The following CNTNAP2 variants were observed in gnomAD, a reference collection of about 807,000 sequenced individuals.
CNTNAP2 encodes the protein contactin associated protein 2.
CNTNAP2 carries 98 observed loss-of-function variants against 155.2 expected under a neutral mutation model. The ratio of observed to expected loss-of-function variants is 0.63; its 90% CI spans 0.54 to 0.75. The LOEUF (loss-of-function observed/expected upper bound fraction) is 0.75, where lower values mean the gene tolerates loss of function less well. Among genes scored for constraint, CNTNAP2 ranks in the 30% least tolerant of loss-of-function variants. The pLI is 0.00. For missense variants in CNTNAP2, 1,727 were observed against 1,688.1 expected (o/e 1.02, Z -0.40); for synonymous variants, 651 against 631.2 (o/e 1.03, Z -0.47).
chr7:146,985,308 A>ATTT lies in CNTNAP2; in HGVS notation c.403-58572_403-58570dup, dbSNP rs71165057. ...CAAAGTGCTTGTGGAAAATGCTTGA[A>ATTT]TTTTTTTTTTTTTTTTTTTTTTTTT... On this transcript the variant is annotated intron_variant, in intron 3 of 23. Transcript: ENST00000361727. Among the ~76,000 whole-genome samples the ATTT allele has an allele frequency of 3.2e-3, 413 of 127,724 alleles. 22 individuals carry two copies. The highest frequency in any genetic ancestry group is 0.012 in the African/African-American group (380 of 31,906). The allele number at this position is 127,724 out of a possible 152,430, so 83.8% of individuals were successfully genotyped here.
chr7:146,160,580 G>A (rs778678125), intron 1 of CNTNAP2, among the ~76,000 whole-genome samples: 56 of 152,090 alleles, frequency 3.7e-4, no homozygotes, highest in Non-Finnish European at 4.9e-4. Context: ...ACATCTCCAC[G>A]CAAATAAACT....
intron 15 of CNTNAP2, among the ~76,000 whole-genome samples, chr7:148,079,821 A>AAGGGAGGAGGGTAT (rs1652838597): frequency 6.6e-6 from 1 of 152,166 alleles, no homozygotes; most frequent in Non-Finnish European, 1.5e-5. Flanking sequence ...CTGGATTCCA[A>AAGGGAGGAGGGTAT]AGGGAGGAGG....
At chr7:147,854,834 A>C (rs1799010045) in intron 13 of CNTNAP2, among the ~76,000 whole-genome samples, 1 of 152,342 alleles carries the variant, frequency 6.6e-6, no homozygotes, top group South Asian at 2.1e-4. Flanking sequence ...ATGGAACCTA[A>C]GTATAAATTA....
At chr7:148,367,817 G>A (rs1034366380) in intron 21 of CNTNAP2, among the ~76,000 whole-genome samples, 7 of 151,900 alleles carry the variant, frequency 4.6e-5, no homozygotes, top group East Asian at 3.9e-4. Flanking sequence ...TGCTCATACC[G>A]AGAAAATGTA....
chr7:147,397,456 AT>A (rs2116457793), intron 10 of CNTNAP2, among the ~76,000 whole-genome samples: 1 of 152,072 alleles, frequency 6.6e-6, no homozygotes, highest in African/African-American at 2.4e-5. Flanking sequence ...AGTAATTGTG[AT>A]GATACAATAA....
chr7:147,225,666 C>T (rs1412391281), intron 8 of CNTNAP2, among the ~76,000 whole-genome samples: 1 of 151,794 alleles, frequency 6.6e-6, no homozygotes, highest in Non-Finnish European at 1.5e-5. Context: ...CTTTGTTTTA[C>T]ACCTGCATAC....
chr7:148,341,351 C>G (rs1192201432), intron 21 of CNTNAP2, among the ~76,000 whole-genome samples: 7 of 151,872 alleles, frequency 4.6e-5, no homozygotes, highest in African/African-American at 1.7e-4. Context: ...TGTTAAAAGA[C>G]TGTTTTCTGT....
At position 146,644,103 on chromosome 7, in the gene CNTNAP2, G is replaced by T. The variant is rs1799765405; in HGVS notation, c.98-130168G>T. On this transcript the variant is annotated intron_variant, in intron 1 of 23. Transcript: ENST00000361727. Reference sequence around the variant, plus strand: ...TTCTAGATATACAATCATGTCGTCTGCAAACAGGGACAATTCGACTTCCTC... The same window carrying T: ...TTCTAGATATACAATCATGTCGTCTTCAAACAGGGACAATTCGACTTCCTC... 2.0e-5 allele frequency among the ~76,000 whole-genome samples: 3 copies of T among 152,302 alleles called. 1 individual carries two copies. The South Asian group carries it at 6.2e-4, about 32-fold the overall frequency.
intron 1 of CNTNAP2, among the ~76,000 whole-genome samples, chr7:146,651,964 A>G (rs1406545822): frequency 6.6e-6 from 1 of 152,168 alleles, no homozygotes. Context: ...TCCTAATAAA[A>G]TATTTTAAAA....
At chr7:147,220,590 T>G (rs1050215897) in intron 8 of CNTNAP2, among the ~76,000 whole-genome samples, 1 of 152,242 alleles carries the variant, frequency 6.6e-6, no homozygotes, top group African/African-American at 2.4e-5. Context: ...CTGCTTTGTA[T>G]TTGTTGCCTT....
intron 3 of CNTNAP2, among the ~76,000 whole-genome samples, chr7:146,876,302 C>T (rs1795427012): frequency 6.6e-6 from 1 of 151,994 alleles, no homozygotes; most frequent in African/African-American, 2.4e-5. Context: ...TGCCAAGTCC[C>T]CCAGGGCATG....
intron 11 of CNTNAP2, among the ~76,000 whole-genome samples, chr7:147,516,981 C>A (rs1799140498): frequency 6.6e-6 from 1 of 151,532 alleles, no homozygotes; most frequent in African/African-American, 2.4e-5. Flanking sequence ...CCTGCCTCAG[C>A]CTCCTGAATA....
chr7:147,694,757 G>A (rs1796138633), intron 13 of CNTNAP2, among the ~76,000 whole-genome samples: 1 of 152,010 alleles, frequency 6.6e-6, no homozygotes, highest in African/African-American at 2.4e-5. Context: ...GCTTATCAAT[G>A]TTACTGATCT....
chr7:148,311,232 G>A (rs1047160123), intron 21 of CNTNAP2, among the ~76,000 whole-genome samples: 8 of 152,274 alleles, frequency 5.3e-5, no homozygotes, highest in South Asian at 2.1e-4. Context: ...GAGGGTAAAA[G>A]TGAGGGCTGT....
intron 1 of CNTNAP2, among the ~76,000 whole-genome samples, chr7:146,488,237 C>A (rs1797085559): frequency 6.6e-6 from 1 of 150,558 alleles, no homozygotes; most frequent in Non-Finnish European, 1.5e-5. Context: ...TTCAGGCTTT[C>A]TTTCTTTCCT....
chr7:147,033,240 T>C (rs1799078217), intron 3 of CNTNAP2, among the ~76,000 whole-genome samples: 2 of 144,626 alleles, frequency 1.4e-5, no homozygotes, highest in South Asian at 2.2e-4. Flanking sequence ...TTTGACATGA[T>C]TTTGCAATAA....
chr7:146,376,696 G>T (rs991876308), intron 1 of CNTNAP2, among the ~76,000 whole-genome samples: 1 of 152,066 alleles, frequency 6.6e-6, no homozygotes, highest in African/African-American at 2.4e-5. Context: ...AAATGCATGT[G>T]TCTCATCCAA....
At chr7:147,359,348 C>A (rs1177435146) in intron 9 of CNTNAP2, among the ~76,000 whole-genome samples, 1 of 152,154 alleles carries the variant, frequency 6.6e-6, no homozygotes, top group African/African-American at 2.4e-5. Context: ...ATAGCTGTCA[C>A]CTCGCTTTAC....
intron 1 of CNTNAP2, among the ~76,000 whole-genome samples, chr7:146,731,716 G>C (rs185090075): frequency 6.6e-6 from 1 of 152,132 alleles, no homozygotes; most frequent in Non-Finnish European, 1.5e-5. Context: ...TGTTTTTAAC[G>C]TATAAAATTA....
Sources: allele counts gnomAD v4.1 joint callset (sites outside exome capture counted in the v4.1 genomes callset), GRCh38; gene constraint gnomAD v4.1.1; transcripts MANE v1.5; gene names NCBI Gene and HGNC (gene_info 2026-07-23, HGNC 2026-07-21).